The following EDIL3 variants were observed in gnomAD, a reference collection of about 807,000 sequenced individuals.
The protein encoded by EDIL3 is EGF like and discoidin domains 3.
In EDIL3, 37 loss-of-function variants were observed where a neutral mutation model predicts 67.4. The observed-to-expected ratio is 0.55, with a 90% CI of 0.42 to 0.72. EDIL3 has a LOEUF of 0.72. Among genes scored for constraint, EDIL3 ranks in the 30% least tolerant of loss-of-function variants. EDIL3 has a pLI of 0.00. For synonymous variants in EDIL3, 195 were observed against 196.3 expected, an observed-to-expected ratio of 0.99 and a Z score of 0.05; for missense variants, 527 against 586.3, an observed-to-expected ratio of 0.90 and a Z score of 1.04.
chr5:84,272,089 C>G (rs1215320889), intron 1 of EDIL3, among the ~76,000 whole-genome samples: 1 of 152,176 alleles, frequency 6.6e-6, no homozygotes, highest in Non-Finnish European at 1.5e-5. Flanking sequence ...TAACAACGCT[C>G]ACACTTAGGT....
intron 9 of EDIL3, among the ~76,000 whole-genome samples, chr5:83,972,377 C>T (rs531421821): frequency 7.9e-5 from 12 of 152,048 alleles, no homozygotes; most frequent in Non-Finnish European, 1.5e-4. Context: ...TCACAGTTCA[C>T]ACACTGTAGT....
At chr5:84,293,004 A>T (rs926138133) in intron 1 of EDIL3, among the ~76,000 whole-genome samples, 2 of 152,084 alleles carry the variant, frequency 1.3e-5, no homozygotes, top group African/African-American at 4.8e-5. Context: ...TCTCCCTTAT[A>T]AGGTTATACC....
chr5:84,244,594 A>G (rs1028007169), intron 2 of EDIL3, among the ~76,000 whole-genome samples: 2 of 151,930 alleles, frequency 1.3e-5, no homozygotes, highest in African/African-American at 4.8e-5. Flanking sequence ...AGGCCAAAAC[A>G]TTTATTTTCA....
In EDIL3 at chr5:84,234,365, C is replaced by T. The variant is rs11746626; in HGVS notation, c.197-4481G>A. On this transcript the variant is annotated intron_variant, in intron 2 of 10. Coordinates refer to ENST00000296591, the MANE Select transcript of EDIL3 (RefSeq NM_005711.5). ...GACAGGAAGGCATCATACAGACTCT[C>T]CTTGACTTCCTTCCTTTCTTCCTCA... Among the ~76,000 whole-genome samples the T allele has an allele frequency of 7.9e-3, 1,207 of 152,256 alleles. 13 individuals carry two copies. Among genetic ancestry groups the T allele is most frequent in the Non-Finnish European group, 0.014 (951 of 68,012 alleles).
At chr5:84,044,169 G>C (rs1746180830) in intron 9 of EDIL3, among the ~76,000 whole-genome samples, 1 of 151,998 alleles carries the variant, frequency 6.6e-6, no homozygotes, top group Non-Finnish European at 1.5e-5. Context: ...TTGGTTTCCT[G>C]TTCCTGTGTT....
At chr5:84,290,719 T>A (rs933253109) in intron 1 of EDIL3, among the ~76,000 whole-genome samples, 6 of 152,208 alleles carry the variant, frequency 3.9e-5, no homozygotes, top group African/African-American at 1.4e-4. Context: ...TTGTTCAACC[T>A]AATGTATAAA....
intron 4 of EDIL3, 52 bp downstream of exon 4, chr5:84,180,341 G>T (rs1748992890): frequency 1.3e-6 from 2 of 1,516,092 alleles, no homozygotes; most frequent in Non-Finnish European, 1.8e-6. Context: ...ATGATGGCTT[G>T]TATACTTTGT....
At chr5:84,020,931 G>T (rs1296501821) in intron 9 of EDIL3, among the ~76,000 whole-genome samples, 2 of 151,982 alleles carry the variant, frequency 1.3e-5, no homozygotes, top group Non-Finnish European at 2.9e-5. Context: ...TTCAAAAGAA[G>T]TAAAAGTAAG....
chr5:84,190,163 TAAC>T (rs1743549257), intron 3 of EDIL3, among the ~76,000 whole-genome samples: 1 of 151,964 alleles, frequency 6.6e-6, no homozygotes, highest in South Asian at 2.1e-4. Flanking sequence ...GCCTTCAGAA[TAAC>T]AACGATTTCC....
chr5:84,024,705 T>C (rs1420938825), intron 9 of EDIL3, among the ~76,000 whole-genome samples: 1 of 152,092 alleles, frequency 6.6e-6, no homozygotes, highest in Non-Finnish European at 1.5e-5. Flanking sequence ...TTAGTGAAAA[T>C]TAGTATTTCA....
At chr5:84,202,696 G>A (rs1743869380) in intron 3 of EDIL3, among the ~76,000 whole-genome samples, 1 of 152,150 alleles carries the variant, frequency 6.6e-6, no homozygotes, top group African/African-American at 2.4e-5. Flanking sequence ...TTTTTGCCCT[G>A]AGGCCATTAG....
rs557118884 is a variant in EDIL3 at position 84,239,770 on chromosome 5, A to G, written c.197-9886T>C. Among the ~76,000 whole-genome samples the G allele has an allele frequency of 1.2e-4, 18 of 152,348 alleles. No individual in the cohort carries two copies. In the South Asian group the frequency reaches 2.7e-3, roughly 23 times the overall value. ...AAATTTTGCAACAAAGAAAAGCCTT[A>G]AAGACATACTTTCAATCTTTCACTT... On this transcript the variant is annotated intron_variant, in intron 2 of 10. Coordinates refer to ENST00000296591, the MANE Select transcript of EDIL3 (RefSeq NM_005711.5).
intron 9 of EDIL3, among the ~76,000 whole-genome samples, chr5:84,039,468 T>C (rs1746081264): frequency 1.3e-5 from 2 of 152,194 alleles, no homozygotes; most frequent in African/African-American, 4.8e-5. Context: ...GCATATTTGC[T>C]TGAAAGTTAA....
chr5:84,263,579 T>G (rs1644838205), intron 1 of EDIL3, among the ~76,000 whole-genome samples: 1 of 152,182 alleles, frequency 6.6e-6, no homozygotes, highest in African/African-American at 2.4e-5. Context: ...ATTCTGTGTT[T>G]CTAAATCATT....
intron 9 of EDIL3, among the ~76,000 whole-genome samples, chr5:84,027,259 A>G (rs1373913093): frequency 6.6e-6 from 1 of 152,216 alleles, no homozygotes; most frequent in Non-Finnish European, 1.5e-5. Flanking sequence ...AAGTTAAAAT[A>G]CTACTGAAGT....
intron 10 of EDIL3, among the ~76,000 whole-genome samples, chr5:83,951,150 C>G (rs150662575): frequency 2.2e-4 from 33 of 151,684 alleles, no homozygotes; most frequent in African/African-American, 7.5e-4. Context: ...AAGTGAAAAA[C>G]AAAACATGGG....
intron 9 of EDIL3, among the ~76,000 whole-genome samples, chr5:84,059,069 T>G (rs950490479): frequency 1.3e-5 from 2 of 151,942 alleles, no homozygotes; most frequent in African/African-American, 4.8e-5. Flanking sequence ...TATTTCTACT[T>G]GTGAGTATAA....
chr5:84,292,043 C>T (rs1171165733), intron 1 of EDIL3, among the ~76,000 whole-genome samples: 2 of 151,792 alleles, frequency 1.3e-5, no homozygotes, highest in Non-Finnish European at 1.5e-5. Context: ...GCACTAGCCA[C>T]AAGTGGCTAT....
chr5:84,148,135 G>A (rs1748320593), intron 4 of EDIL3, among the ~76,000 whole-genome samples: 1 of 152,086 alleles, frequency 6.6e-6, no homozygotes, highest in Admixed American at 6.6e-5. Context: ...TTTAAAGACT[G>A]CAAATATAAC....
Sources: gnomAD v4.1 joint callset for allele counts (sites outside exome capture counted in the v4.1 genomes callset) on GRCh38, gnomAD v4.1.1 for gene constraint, MANE v1.5 for transcripts, NCBI Gene and HGNC (gene_info 2026-07-23, HGNC 2026-07-21) for gene names.